The following C9 variants were observed in gnomAD, a reference collection of about 807,000 sequenced individuals.
C9 encodes complement C9.
A neutral mutation model predicts 65.4 loss-of-function variants in C9; 63 were observed. The observed-to-expected ratio is 0.96, with a 90% CI of 0.79 to 1.19. The LOEUF (loss-of-function observed/expected upper bound fraction) is 1.19. C9 is among the 50% of genes most tolerant of loss of function. The pLI, the probability that C9 is intolerant of heterozygous loss-of-function variation, is 0.00. For missense variants in C9, 744 were observed against 670.1 expected (o/e 1.11, Z -1.22); for synonymous variants, 229 against 227.9 (o/e 1.00, Z -0.04).
At position 39,361,630 on chromosome 5, in the gene C9, A is replaced by G. The variant is rs77974402; in HGVS notation, c.77+2758T>C. Among the ~76,000 whole-genome samples, 3 of 152,302 alleles carry G rather than the reference A, an allele frequency of 2.0e-5. No individual in the cohort carries two copies. In the East Asian group the frequency reaches 5.8e-4, roughly 29 times the overall value. ...AATTTACTTAAGGCGCAGAGCCAGT[A>G]AATTGTGGAGCTGGGATCGAACCCA... On this transcript the variant is annotated intron_variant, in intron 1 of 10. Transcript: ENST00000263408.
chr5:39,362,893 C>T (rs1754546325), intron 1 of C9, among the ~76,000 whole-genome samples: 1 of 152,048 alleles, frequency 6.6e-6, no homozygotes, highest in Admixed American at 6.6e-5. Flanking sequence ...CAATGGGAGC[C>T]CACGAAACCA....
rs760118971 is a variant in C9, at chr5:39,316,011, A to T, written c.634T>A (p.Phe212Ile). The T allele has an allele frequency of 6.2e-7, 1 of 1,612,422 alleles. No individual in the cohort carries two copies. Among genetic ancestry groups the T allele is most frequent in the East Asian group, 2.2e-5 (1 of 44,774 alleles). Residue 212 changes from phenylalanine (F) to isoleucine (I), a missense_variant, in exon 6 of 11, where the codon TTC (phenylalanine) becomes ATC (isoleucine). Transcript: ENST00000263408. ...TGTTCTTCGTAATGTTCGGTTCTGA[A>T]ATTTTTCTCGCCTTTGGTCTAAAAG... ...LIYETKGEKN[F>I]RTEHYEEQIE...
At chr5:39,359,984 C>T (rs1754485214) in intron 1 of C9, among the ~76,000 whole-genome samples, 1 of 152,184 alleles carries the variant, frequency 6.6e-6, no homozygotes, top group Non-Finnish European at 1.5e-5. Flanking sequence ...TATCTGTTCA[C>T]TTGCATGGAA....
At chr5:39,324,604 G>C (rs1248864128) in intron 5 of C9, among the ~76,000 whole-genome samples, 1 of 152,150 alleles carries the variant, frequency 6.6e-6, no homozygotes, top group Non-Finnish European at 1.5e-5. Flanking sequence ...GTAGTGGCGA[G>C]TACAGCCTGA....
At chr5:39,347,843 T>C (rs1015087068) in intron 1 of C9, among the ~76,000 whole-genome samples, 4 of 152,052 alleles carry the variant, frequency 2.6e-5, no homozygotes, top group African/African-American at 9.7e-5. Flanking sequence ...TGGAACAGAA[T>C]GGAGCCCTCA....
chr5:39,284,916 T>G lies in C9; in HGVS notation c.*283A>C, dbSNP rs998457375. The G allele has an allele frequency of 2.8e-5, 11 of 393,312 alleles. No homozygotes were observed. Among genetic ancestry groups the G allele is most frequent in the East Asian group, 4.4e-5 (1 of 22,920 alleles). The allele number at this position is 393,312 out of a possible 1,614,324, so 24.4% of individuals were successfully genotyped here. Reference sequence around the variant, plus strand: ...ACATTCTGTTTTTAATTTAATTTTGTTTTTTTTTAGAAGAGATTGGCATTT... The same window carrying G: ...ACATTCTGTTTTTAATTTAATTTTGGTTTTTTTTAGAAGAGATTGGCATTT... On this transcript the variant is annotated 3_prime_UTR_variant, in exon 11 of 11. Coordinates refer to ENST00000263408, the MANE Select transcript of C9 (RefSeq NM_001737.5).
intron 10 of C9, among the ~76,000 whole-genome samples, chr5:39,287,927 T>G (rs1302803082): frequency 6.6e-6 from 1 of 151,986 alleles, no homozygotes; most frequent in Non-Finnish European, 1.5e-5. Context: ...CTTATCATTA[T>G]GCAATATATC....
chr5:39,309,118 C>T lies in C9; in HGVS notation c.1112-760G>A, dbSNP rs572312363. On this transcript the variant is annotated intron_variant, in intron 7 of 10. Transcript: ENST00000263408. Reference sequence around the variant, plus strand: ...CCAAACAGTTACTAGAAAGAAAAATCCTAATATTTTCAAAGTCTATCAGTT... The same window carrying T: ...CCAAACAGTTACTAGAAAGAAAAATTCTAATATTTTCAAAGTCTATCAGTT... 2.6e-5 allele frequency among the ~76,000 whole-genome samples: 4 copies of T among 152,084 alleles called. No homozygotes were observed. The East Asian group carries it at 5.8e-4, about 22-fold the overall frequency.
intron 4 of C9, among the ~76,000 whole-genome samples, chr5:39,338,805 C>T (rs564395087): frequency 6.6e-6 from 1 of 152,184 alleles, no homozygotes; most frequent in Admixed American, 6.5e-5. Flanking sequence ...TTAAGAATTC[C>T]TAGCTAGCCC....
chr5:39,361,890 T>C (rs1339324275), intron 1 of C9, among the ~76,000 whole-genome samples: 1 of 152,224 alleles, frequency 6.6e-6, no homozygotes, highest in Non-Finnish European at 1.5e-5. Context: ...TGAGATGTCT[T>C]CAAGCCATGG....
intron 9 of C9, among the ~76,000 whole-genome samples, chr5:39,291,906 G>T (rs1753103880): frequency 6.6e-6 from 1 of 151,698 alleles, no homozygotes; most frequent in South Asian, 2.1e-4. Context: ...AGAGATAAAA[G>T]AATTGAAGGG....
intron 1 of C9, among the ~76,000 whole-genome samples, chr5:39,352,870 G>A (rs574686618): frequency 4.7e-4 from 71 of 151,412 alleles, no homozygotes; most frequent in African/African-American, 1.7e-3. Context: ...TAATGCAATA[G>A]GCAGAATAAC....
Position 39,311,224 on chromosome 5 carries a change from A to G in C9, c.1024T>C (p.Tyr342His). 6.2e-7 allele frequency: 1 copy of G among 1,613,548 alleles called. No homozygotes were observed. Among genetic ancestry groups the G allele is most frequent in the Non-Finnish European group, 8.5e-7 (1 of 1,179,494 alleles). The part of the protein sequence containing the change: ...KGEYFAFLET[Y>H]GTHYSSSGSL... ...CCAGAGCTACTGTAGTGAGTTCCAT[A>G]GGTTTCCAAAAAGGCAAAATATTCT... The change falls in exon 7 of 11, where the codon TAT becomes CAT. Residue 342 changes from tyrosine (Y) to histidine (H), a missense_variant. Tyr to His is a moderately conservative substitution (Grantham distance 83). Coordinates refer to ENST00000263408, the MANE Select transcript of C9 (RefSeq NM_001737.5).
At chr5:39,357,828 A>G (rs932825616) in intron 1 of C9, among the ~76,000 whole-genome samples, 1 of 152,220 alleles carries the variant, frequency 6.6e-6, no homozygotes, top group Non-Finnish European at 1.5e-5. Flanking sequence ...GATGAGTAGA[A>G]GGCAGAGGAA....
At chr5:39,337,882 T>C (rs1179387503) in intron 4 of C9, among the ~76,000 whole-genome samples, 1 of 152,264 alleles carries the variant, frequency 6.6e-6, no homozygotes, top group African/African-American at 2.4e-5. Flanking sequence ...CTTGTGACTT[T>C]CACATGTAGA....
chr5:39,359,851 A>C (rs2111990879), intron 1 of C9, among the ~76,000 whole-genome samples: 1 of 152,356 alleles, frequency 6.6e-6, no homozygotes, highest in East Asian at 1.9e-4. Flanking sequence ...TAATGTGTTC[A>C]ACATTATACT....
chr5:39,285,928 T>C (rs1031699825), intron 10 of C9, among the ~76,000 whole-genome samples: 11 of 152,002 alleles, frequency 7.2e-5, no homozygotes, highest in Non-Finnish European at 1.5e-4. Flanking sequence ...CTAGTGTAAA[T>C]TGGAAACTAG....
intron 7 of C9, 89 bp from the exon 8 acceptor site, chr5:39,308,447 T>C: frequency 1.1e-6 from 1 of 925,352 alleles, no homozygotes; most frequent in Non-Finnish European, 1.8e-6. Context: ...AGCAACATCC[T>C]TACTTAGGTT....
At chr5:39,287,830 G>A (rs541083395) in intron 10 of C9, among the ~76,000 whole-genome samples, 5 of 151,948 alleles carry the variant, frequency 3.3e-5, no homozygotes, top group South Asian at 2.1e-4. Flanking sequence ...CAAAAATGGC[G>A]AGGATGGGAG....
Sources: allele counts gnomAD v4.1 joint callset (sites outside exome capture counted in the v4.1 genomes callset), GRCh38; gene constraint gnomAD v4.1.1; transcripts MANE v1.5; gene names NCBI Gene and HGNC (gene_info 2026-07-23, HGNC 2026-07-21).